The following TMEM156 variants were observed in gnomAD, a reference collection of about 807,000 sequenced individuals.
The protein encoded by TMEM156 is transmembrane protein 156.
TMEM156 carries 28 observed loss-of-function variants against 30.5 expected under a neutral mutation model. The ratio of observed to expected loss-of-function variants is 0.92; its 90% confidence interval spans 0.68 to 1.26. The LOEUF is 1.26. Ranked by LOEUF, TMEM156 falls within the 50% of genes most tolerant of loss-of-function variation. The probability of loss-of-function intolerance (pLI) is 0.00; values close to 1 mark genes in which losing one functional copy is unlikely to be tolerated. For missense variants in TMEM156, 351 were observed against 340.6 expected, an observed-to-expected ratio of 1.03 and a Z score of -0.24; for synonymous variants, 137 against 119.9, an observed-to-expected ratio of 1.14 and a Z score of -0.93.
At chr4:38,980,916 C>T in intron 5 of TMEM156, 2 of 984,416 alleles carry the variant, frequency 2.0e-6, no homozygotes, top group Non-Finnish European at 2.4e-6. Flanking sequence ...ATATGCCTGT[C>T]ACGTAAAGGC....
At chr4:39,027,364 T>C (rs1215715894) in intron 1 of TMEM156, among the ~76,000 whole-genome samples, 2 of 152,304 alleles carry the variant, frequency 1.3e-5, no homozygotes, top group African/African-American at 2.4e-5. Context: ...GTTTATCCTA[T>C]AGTTGCTTTA....
intron 5 of TMEM156, among the ~76,000 whole-genome samples, chr4:38,976,522 T>G (rs1305676030): frequency 6.6e-6 from 1 of 152,094 alleles, no homozygotes; most frequent in Non-Finnish European, 1.5e-5. Flanking sequence ...CATCTTGATT[T>G]CAGCCTGTGA....
At chr4:39,006,222 C>A (rs1713728315) in intron 1 of TMEM156, among the ~76,000 whole-genome samples, 1 of 152,080 alleles carries the variant, frequency 6.6e-6, no homozygotes, top group Admixed American at 6.6e-5. Context: ...ACATTCTGAC[C>A]AGTGCTTTTC....
intron 5 of TMEM156, among the ~76,000 whole-genome samples, chr4:38,974,152 G>T (rs1722737141): frequency 6.7e-6 from 1 of 150,064 alleles, no homozygotes; most frequent in South Asian, 2.1e-4. Context: ...ATTTTTGCAT[G>T]GATATACACA....
At chr4:39,000,289 T>G (rs55683021) in intron 1 of TMEM156, among the ~76,000 whole-genome samples, 41,476 of 151,820 alleles carry the variant, frequency 0.27, 6,216 homozygotes, top group East Asian at 0.44. Context: ...CTACTCAGGA[T>G]GCTGAGGTAG....
chr4:39,015,768 A>T (rs1714438854), intron 1 of TMEM156, among the ~76,000 whole-genome samples: 1 of 152,168 alleles, frequency 6.6e-6, no homozygotes, highest in Non-Finnish European at 1.5e-5. Flanking sequence ...GGAGGGACCC[A>T]GTGGGAGATA....
chr4:38,996,064 T>G (rs900821762), intron 2 of TMEM156, among the ~76,000 whole-genome samples: 1 of 152,130 alleles, frequency 6.6e-6, no homozygotes, highest in African/African-American at 2.4e-5. Context: ...CATCAGGAAC[T>G]CCTATAACTC....
intron 1 of TMEM156, among the ~76,000 whole-genome samples, chr4:39,025,276 A>T (rs1370669206): frequency 1.5e-5 from 2 of 132,856 alleles, no homozygotes; most frequent in Non-Finnish European, 3.1e-5. Context: ...TGAACATGGG[A>T]GGCGGAGGCT....
intron 1 of TMEM156, among the ~76,000 whole-genome samples, chr4:39,006,577 T>C (rs1043283443): frequency 3.3e-4 from 50 of 152,114 alleles, no homozygotes; most frequent in African/African-American, 1.2e-3. Context: ...CTATATTTTC[T>C]TCTAAAAGTT....
At chr4:38,997,253 G>A (rs919585227) in intron 2 of TMEM156, among the ~76,000 whole-genome samples, 4 of 152,200 alleles carry the variant, frequency 2.6e-5, no homozygotes, top group African/African-American at 4.8e-5. Flanking sequence ...CACTACTTGA[G>A]TAAGAACTTC....
At chr4:38,978,893 C>A (rs1723033582) in intron 5 of TMEM156, among the ~76,000 whole-genome samples, 1 of 152,130 alleles carries the variant, frequency 6.6e-6, no homozygotes, top group Non-Finnish European at 1.5e-5. Flanking sequence ...AGGGATCCTC[C>A]CACCTGAGGC....
At chr4:38,981,498 A>C (rs114601021) in intron 5 of TMEM156, among the ~76,000 whole-genome samples, 153 of 152,322 alleles carry the variant, frequency 1.0e-3, no homozygotes, top group African/African-American at 3.5e-3. Flanking sequence ...TTCCAATGAG[A>C]AACTGAAAAT....
At chr4:39,013,316 AAAAAG>A (rs1217128217) in intron 1 of TMEM156, among the ~76,000 whole-genome samples, 1 of 151,720 alleles carries the variant, frequency 6.6e-6, no homozygotes, top group East Asian at 1.9e-4. Context: ...TCAAAAAAAA[AAAAAG>A]AAAGAAAGAA....
chr4:38,986,563 CT>C (rs1712001822), intron 4 of TMEM156, 144 bp from the exon 5 acceptor site: 1 of 609,392 alleles, frequency 1.6e-6, no homozygotes, highest in African/African-American at 1.8e-5. Context: ...AATCCCAGCA[CT>C]TTGGGAGGCT....
At chr4:38,975,952 G>C (rs553634548) in intron 5 of TMEM156, among the ~76,000 whole-genome samples, 10 of 151,900 alleles carry the variant, frequency 6.6e-5, no homozygotes, top group African/African-American at 2.4e-4. Flanking sequence ...AAAGAGAAAC[G>C]GCCCTTCCTG....
Position 38,986,409 on chromosome 4 carries a change from G to C in TMEM156, c.750C>G (p.Asp250Glu), listed in dbSNP as rs756219475. The change falls in exon 5 of 7, where the codon GAC (aspartate) becomes GAG (glutamate). Residue 250 changes from aspartate (D) to glutamate (E), a missense_variant. Asp to Glu is a conservative substitution (Grantham distance 45). Coordinates refer to ENST00000381938, the MANE Select transcript of TMEM156 (RefSeq NM_024943.3). ...RRVQKWQSHR[D>E]KPTSVLLRGS... Reference sequence around the variant, plus strand: ...CTCTTAAGAGAACAGATGTAGGTTTGTCTCTATGACCTATTCCCAGAAAAG... The same window carrying C: ...CTCTTAAGAGAACAGATGTAGGTTTCTCTCTATGACCTATTCCCAGAAAAG... The C allele has an allele frequency of 1.2e-6, 2 of 1,611,330 alleles. No homozygotes were observed. Among genetic ancestry groups the C allele is most frequent in the Non-Finnish European group, 1.7e-6 (2 of 1,177,574 alleles).
At chr4:38,994,927 G>A (rs912989465) in intron 2 of TMEM156, among the ~76,000 whole-genome samples, 1 of 151,450 alleles carries the variant, frequency 6.6e-6, no homozygotes, top group Admixed American at 6.6e-5. Context: ...AACAGAAGGA[G>A]ACTCAGTCTC....
intron 5 of TMEM156, among the ~76,000 whole-genome samples, chr4:38,979,948 A>G (rs767458249): frequency 2.1e-4 from 32 of 152,198 alleles, no homozygotes; most frequent in Non-Finnish European, 3.5e-4. Context: ...TCATCACATA[A>G]AAACGTTGGC....
intron 2 of TMEM156, among the ~76,000 whole-genome samples, chr4:38,996,916 G>A (rs963888728): frequency 6.6e-6 from 1 of 152,182 alleles, no homozygotes; most frequent in Admixed American, 6.5e-5. Flanking sequence ...TGGAGAGATG[G>A]ATAGATAGAT....
Sources: allele counts gnomAD v4.1 joint callset (sites outside exome capture counted in the v4.1 genomes callset), GRCh38; gene constraint gnomAD v4.1.1; transcripts MANE v1.5; gene names NCBI Gene and HGNC (gene_info 2026-07-23, HGNC 2026-07-21).